DUSP8: variants seen among roughly 807,000 people sequenced by gnomAD.
The protein encoded by DUSP8 is dual specificity phosphatase 8, also known as dual specificity protein phosphatase 8.
A neutral mutation model predicts 38.7 loss-of-function variants in DUSP8; 15 were observed. That is an observed-to-expected ratio of 0.39 (90% confidence interval 0.26 to 0.60). The LOEUF (loss-of-function observed/expected upper bound fraction) is 0.60, where lower values mean the gene tolerates loss of function less well. DUSP8 is among the 20% of genes least tolerant of loss of function. The pLI, the probability that DUSP8 is intolerant of heterozygous loss-of-function variation, is 0.56. For synonymous variants in DUSP8, 458 were observed against 433.9 expected (o/e 1.06, Z -0.69); for missense variants, 768 against 915.0 (o/e 0.84, Z 2.07).
chr11:1,556,870 G>C lies in DUSP8; in HGVS notation c.1526C>G (p.Ala509Gly). Residue 509 changes from alanine (A) to glycine (G), a missense_variant, in exon 7 of 7, where the codon GCA becomes GGA. Physicochemically the swap from Ala to Gly is moderately conservative, Grantham distance 60. This residue lies in a region of DUSP8 where 474 missense variants were observed against 430.8 expected (regional missense o/e 1.10). Coordinates refer to ENST00000397374, the MANE Select transcript of DUSP8 (RefSeq NM_004420.3). The surrounding 1 kb of genome is among the most constrained non-coding windows in gnomAD (Gnocchi z 5.2). Reference protein sequence around the residue: ...PGQPAGPGAWAPPLDSPGTPS... With the variant: ...PGQPAGPGAWGPPLDSPGTPS... Reference sequence around the variant, plus strand: ...CGTGCCTGGGGAGTCGAGCGGCGGTGCCCAGGCCCCGGGGCCGGCCGGCTG... The same window carrying C: ...CGTGCCTGGGGAGTCGAGCGGCGGTCCCCAGGCCCCGGGGCCGGCCGGCTG... The C allele has an allele frequency of 8.9e-7, 1 of 1,120,778 alleles. No individual in the cohort carries two copies. The highest frequency in any genetic ancestry group is 1.1e-6 in the Non-Finnish European group (1 of 917,404). 69.4% of individuals were successfully genotyped at this position (1,120,778 alleles called of 1,614,324 possible).
In DUSP8 at chr11:1,561,452, C is replaced by A. The variant is rs187279441; in HGVS notation, c.371-2397G>T. On this transcript the variant is annotated intron_variant, in intron 3 of 6. Coordinates refer to ENST00000397374, the MANE Select transcript of DUSP8 (RefSeq NM_004420.3). The stretch of plus-strand genomic sequence containing the variant: ...AGGGCGGGGGCCGCCACCCCACCCA[C>A]TTGCAGTGCAGTCGCCCGGCCAAGG... 1.6e-3 allele frequency among the ~76,000 whole-genome samples: 244 copies of A among 152,364 alleles called. 3 individuals carry two copies. Among genetic ancestry groups the A allele is most frequent in the Middle Eastern group, 0.01 (3 of 294 alleles).
At chr11:1,560,117 C>T (rs1361874647) in intron 3 of DUSP8, among the ~76,000 whole-genome samples, 1 of 152,162 alleles carries the variant, frequency 6.6e-6, no homozygotes, top group Non-Finnish European at 1.5e-5. Flanking sequence ...CCAGCATGGC[C>T]CAGCACCACC....
chr11:1,560,076 C>G (rs1367609003), intron 3 of DUSP8, among the ~76,000 whole-genome samples: 1 of 152,212 alleles, frequency 6.6e-6, no homozygotes, highest in Non-Finnish European at 1.5e-5. Context: ...CAGCACCCAC[C>G]TGGTGGCTGC....
In DUSP8 at chr11:1,557,059, G is replaced by A. The variant is rs929418501; in HGVS notation, c.1337C>T (p.Ala446Val). The A allele has an allele frequency of 4.3e-6, 5 of 1,170,714 alleles. No homozygotes were observed. The African/African-American group carries it at 6.5e-5, about 15-fold the overall frequency. The allele number at this position is 1,170,714 out of a possible 1,614,324, so 72.5% of individuals were successfully genotyped here. Residue 446 changes from alanine (A) to valine (V), a missense_variant, in exon 7 of 7, where the codon GCG (alanine) becomes GTG (valine). Physicochemically the swap from Ala to Val is moderately conservative, Grantham distance 64. Around this residue, in one of 3 missense-constraint regions of DUSP8, gnomAD observed 474 missense variants for 430.8 expected, o/e 1.10. Coordinates refer to ENST00000397374, the MANE Select transcript of DUSP8 (RefSeq NM_004420.3). The surrounding 1 kb of genome is among the most constrained non-coding windows in gnomAD (Gnocchi z 9.9). ...GCGGGGCCGTGGGCGCGCCTCAGGC[G>A]CGGCGTCCGGGCTGTCCGGGCTGGG... The part of the protein sequence containing the change: ...SSPSPDSPDA[A>V]PEARPRPRRR...
rs1254711783 is a variant in DUSP8 at position 1,565,637 on chromosome 11, C to T, written c.190G>A (p.Val64Met). 8.7e-6 allele frequency: 14 copies of T among 1,610,852 alleles called. No homozygotes were observed. Among genetic ancestry groups the T allele is most frequent in the Admixed American group, 3.3e-5 (2 of 60,000 alleles). The change falls in exon 2 of 7, where the codon GTG (valine) becomes ATG (methionine). Residue 64 changes from valine (V) to methionine (M), a missense_variant. Physicochemically the swap from Val to Met is conservative, Grantham distance 21. Coordinates refer to ENST00000397374, the MANE Select transcript of DUSP8 (RefSeq NM_004420.3). ...LVKRRLQQGK[V>M]TIAELIQPAA... The stretch of plus-strand genomic sequence containing the variant: ...GGCTGGATGAGCTCCGCAATGGTCA[C>T]CTTGCCCTGCTGCAGCCGCCGCTTC...
Position 1,556,923 on chromosome 11 carries a change from CAGGGCCGAGAGG to C in DUSP8, c.1461_1472del (p.Leu488_Leu491del). On this transcript the variant is annotated inframe_deletion, in exon 7 of 7. Transcript: ENST00000397374. This position sits in a 1 kb window ranked among gnomAD's most constrained non-coding sequence, Gnocchi z 5.2. ...CAGGGCCGGGCAGCCCGGGCGCCGA[CAGGGCCGAGAGG>C]CCGTGCCGCGGAGTCTGCCGGGCCG... 3 of 1,076,378 alleles carry C rather than the reference CAGGGCCGAGAGG, an allele frequency of 2.8e-6. No homozygotes were observed. Among genetic ancestry groups the C allele is most frequent in the Non-Finnish European group, 3.4e-6 (3 of 890,218 alleles). 66.7% of individuals were successfully genotyped at this position (1,076,378 alleles called of 1,614,324 possible).
In DUSP8 at chr11:1,558,020, T is replaced by G; in HGVS notation, c.697+92A>C. 6.2e-7 allele frequency: 1 copy of G among 1,610,778 alleles called. No homozygotes were observed. The highest frequency in any genetic ancestry group is 1.7e-5 in the Admixed American group (1 of 59,992). Reference sequence around the variant, plus strand: ...CCGCCCAACTGCCAACAGTTCCGGCTACTTCCTGGGGACCCCTCCTGTGTC... The same window carrying G: ...CCGCCCAACTGCCAACAGTTCCGGCGACTTCCTGGGGACCCCTCCTGTGTC... On this transcript the variant is annotated intron_variant, in intron 5 of 6. Coordinates refer to ENST00000397374, the MANE Select transcript of DUSP8 (RefSeq NM_004420.3). The surrounding 1 kb of genome is among the most constrained non-coding windows in gnomAD (Gnocchi z 6.3).
rs1231582120 is a variant in DUSP8 at position 1,558,481 on chromosome 11, G to A, written c.538-210C>T. Among the ~76,000 whole-genome samples the A allele has an allele frequency of 3.9e-5, 6 of 152,148 alleles. No individual in the cohort carries two copies. Among genetic ancestry groups the A allele is most frequent in the South Asian group, 4.1e-4 (2 of 4,834 alleles). On this transcript the variant is annotated intron_variant, in intron 4 of 6. Transcript: ENST00000397374. This position sits in a 1 kb window ranked among gnomAD's most constrained non-coding sequence, Gnocchi z 6.3. ...TGGGCCCGTGCGGGGGGTGGGGCAC[G>A]GCTGGCCTCCGACTGCAGGCCCCAC...
Position 1,557,176 on chromosome 11 carries a change from C to T in DUSP8, c.1220G>A (p.Arg407Gln), listed in dbSNP as rs1848644765. Reference protein sequence around the residue: ...DIKSAYAPSRRPDGPGPPDPG... With the variant: ...DIKSAYAPSRQPDGPGPPDPG... ...GTCGGGGGGCCCGGGGCCGTCGGGC[C>T]GCCTGCTAGGGGCGTAGGCAGACTT... Residue 407 changes from arginine (R) to glutamine (Q), a missense_variant, in exon 7 of 7, where the codon CGG (arginine) becomes CAG (glutamine). Arg to Gln is a conservative substitution (Grantham distance 43). Transcript: ENST00000397374. This position sits in a 1 kb window ranked among gnomAD's most constrained non-coding sequence, Gnocchi z 9.9. 4.1e-6 allele frequency: 6 copies of T among 1,457,304 alleles called. No homozygotes were observed. In the African/African-American group the frequency reaches 4.5e-5, roughly 11 times the overall value. 90.3% of individuals were successfully genotyped at this position (1,457,304 alleles called of 1,614,324 possible). A position where few individuals can be genotyped will look rare whatever the true frequency, so the allele number is the denominator to read the frequency against.
intron 1 of DUSP8, among the ~76,000 whole-genome samples, chr11:1,567,071 GACCTGGGTCAC>G (rs1047207861): frequency 3.9e-5 from 6 of 152,142 alleles, no homozygotes; most frequent in Non-Finnish European, 5.9e-5. Flanking sequence ...GCAGGGTTGG[GACCTGGGTCAC>G]ACCTGGGTCA....
rs1346297307 is a variant in DUSP8 at position 1,554,348 on chromosome 11, G to C, written c.*2170C>G. ...GGACTCAGGGCTGGGTCAGGTGAAAGCCACCAGGTGGGGCCCTGGCCCGCC... is the reference window on the plus strand; with the variant it reads ...GGACTCAGGGCTGGGTCAGGTGAAACCCACCAGGTGGGGCCCTGGCCCGCC... On this transcript the variant is annotated 3_prime_UTR_variant, in exon 7 of 7. Coordinates refer to ENST00000397374, the MANE Select transcript of DUSP8 (RefSeq NM_004420.3). 6.6e-6 allele frequency: 1 copy of C among 152,280 alleles called. No individual in the cohort carries two copies. The highest frequency in any genetic ancestry group is 2.4e-5 in the African/African-American group (1 of 41,316). The allele number at this position is 152,280 out of a possible 1,614,324, so 9.4% of individuals were successfully genotyped here.
chr11:1,556,602 C>G lies in DUSP8; in HGVS notation c.1794G>C (p.Glu598Asp). The change falls in exon 7 of 7, where the codon GAG (glutamate) becomes GAC (aspartate). Residue 598 changes from glutamate to aspartate, a missense_variant. Around this residue, in one of 3 missense-constraint regions of DUSP8, gnomAD observed 42 missense variants for 73.7 expected, o/e 0.57. Transcript: ENST00000397374. This position sits in a 1 kb window ranked among gnomAD's most constrained non-coding sequence, Gnocchi z 5.2. ...CQMEFEEGMV[E>D]GRARGEELAA... ...CCAGCTCCTCGCCGCGCGCGCGCCC[C>G]TCCACCATGCCCTCCTCGAACTCCA... 2.1e-6 allele frequency: 3 copies of G among 1,438,780 alleles called. No homozygotes were observed. In the South Asian group the frequency reaches 4.2e-5, roughly 20 times the overall value. 89.1% of individuals were successfully genotyped at this position (1,438,780 alleles called of 1,614,324 possible). A position where few individuals can be genotyped will look rare whatever the true frequency, so the allele number is the denominator to read the frequency against.
chr11:1,565,525 GC>G, intron 2 of DUSP8, 70 bp downstream of exon 2: 1 of 1,258,770 alleles, frequency 7.9e-7, no homozygotes, highest in Non-Finnish European at 1.1e-6. Context: ...GGGGGGTGCT[GC>G]CCGAGCTGAG....
Position 1,555,428 on chromosome 11 carries a change from G to A in DUSP8, c.*1090C>T. 2.0e-6 allele frequency: 2 copies of A among 986,388 alleles called. No individual in the cohort carries two copies. The highest frequency in any genetic ancestry group is 1.7e-5 in the African/African-American group (1 of 57,294). 61.1% of individuals were successfully genotyped at this position (986,388 alleles called of 1,614,324 possible). ...CCTGTGTGAGCAGCACCTGCTCACA[G>A]AGCCCCTCAGCCTGCAGGTGCACAC... On this transcript the variant is annotated 3_prime_UTR_variant, in exon 7 of 7. Coordinates refer to ENST00000397374, the MANE Select transcript of DUSP8 (RefSeq NM_004420.3).
At position 1,556,317 on chromosome 11, in the gene DUSP8, G is replaced by C; in HGVS notation, c.*201C>G. The C allele has an allele frequency of 1.6e-6, 1 of 630,996 alleles. No homozygotes were observed. Among genetic ancestry groups the C allele is most frequent in the Non-Finnish European group, 2.3e-6 (1 of 442,008 alleles). The allele number at this position is 630,996 out of a possible 1,614,324, so 39.1% of individuals were successfully genotyped here. On this transcript the variant is annotated 3_prime_UTR_variant, in exon 7 of 7. Coordinates refer to ENST00000397374, the MANE Select transcript of DUSP8 (RefSeq NM_004420.3). This position sits in a 1 kb window ranked among gnomAD's most constrained non-coding sequence, Gnocchi z 5.2. ...AACGTATGTTTCAGTTTAAATACCA[G>C]ACAGTAAAAATAGAGCTCGAGGACC... is the stretch of plus-strand genomic sequence containing the variant.
At chr11:1,571,744 G>GGCC (rs1424077778) in intron 1 of DUSP8, among the ~76,000 whole-genome samples, 157 bp downstream of exon 1, 17 of 151,292 alleles carry the variant, frequency 1.1e-4, no homozygotes, top group African/African-American at 3.9e-4. Context: ...CGTCCTGGAC[G>GGCC]GCCGTGGCCG....
At chr11:1,572,396 C>T (rs1848920035), upstream of DUSP8, among the ~76,000 whole-genome samples, 1 of 146,702 alleles carries the variant, frequency 6.8e-6, no homozygotes, top group South Asian at 2.2e-4. The surrounding 1 kb of genome is among the most constrained non-coding windows in gnomAD (Gnocchi z 4.7). Context: ...GTCAGCGGAG[C>T]CCGGGCTCGG....
chr11:1,563,986 C>A lies in DUSP8; in HGVS notation c.235G>T (p.Glu79Ter). 1 of 1,477,224 alleles carries A rather than the reference C, an allele frequency of 6.8e-7. No individual in the cohort carries two copies. Among genetic ancestry groups the A allele is most frequent in the Non-Finnish European group, 9.0e-7 (1 of 1,105,310 alleles). 91.5% of individuals were successfully genotyped at this position (1,477,224 alleles called of 1,614,324 possible). A position where few individuals can be genotyped will look rare whatever the true frequency, so the allele number is the denominator to read the frequency against. ...ACCACGTCCTGTGGCTCCGTAGCCTCCACCTGGGGGCCATGGGGCAGAGAT... is the reference window on the plus strand; with the variant it reads ...ACCACGTCCTGTGGCTCCGTAGCCTACACCTGGGGGCCATGGGGCAGAGAT... ...LIQPAARSQV[E>*]ATEPQDVVVY... Residue 79 changes from glutamate (E) to a stop codon, truncating the protein, a stop_gained, in exon 3 of 7, where the codon GAG (glutamate) becomes TAG (stop). Transcript: ENST00000397374. LOFTEE classifies it high-confidence loss of function.
At chr11:1,569,276 G>T (rs1435687156) in intron 1 of DUSP8, among the ~76,000 whole-genome samples, 2 of 152,000 alleles carry the variant, frequency 1.3e-5, no homozygotes, top group Non-Finnish European at 2.9e-5. Context: ...TCAGAAGAAG[G>T]CTCCTCCCAG....
Sources: gnomAD v4.1 joint callset for allele counts (sites outside exome capture counted in the v4.1 genomes callset) on GRCh38, gnomAD v4.1.1 for gene constraint, gnomAD v4.1.1 regional missense constraint, Gnocchi (gnomAD v3.1) non-coding constraint, MANE v1.5 for transcripts, NCBI Gene and HGNC (gene_info 2026-07-23, HGNC 2026-07-21) for gene names.